EPHA6: variants seen among roughly 807,000 people sequenced by gnomAD.
The protein encoded by EPHA6 is ephrin type-A receptor 6.
A neutral mutation model predicts 112.0 loss-of-function variants in EPHA6; 50 were observed. The ratio of observed to expected loss-of-function variants is 0.45; its 90% CI spans 0.36 to 0.56. The LOEUF (loss-of-function observed/expected upper bound fraction) is 0.56. Ranked by LOEUF, EPHA6 falls within the 20% of genes least tolerant of loss-of-function variation. The probability of loss-of-function intolerance (pLI) is 0.00; values close to 1 mark genes in which losing one functional copy is unlikely to be tolerated. For missense variants in EPHA6, 1,280 were observed against 1,417.4 expected, an observed-to-expected ratio of 0.90 and a Z score of 1.56; for synonymous variants, 529 against 490.7, an observed-to-expected ratio of 1.08 and a Z score of -1.03.
chr3:97,743,241 T>C (rs183105488), intron 16 of EPHA6, among the ~76,000 whole-genome samples: 6 of 152,260 alleles, frequency 3.9e-5, no homozygotes, highest in East Asian at 1.9e-4. Flanking sequence ...CATCATGTTA[T>C]GGACCAAACT....
At chr3:97,305,148 C>T (rs1027299839) in intron 5 of EPHA6, among the ~76,000 whole-genome samples, 2 of 152,012 alleles carry the variant, frequency 1.3e-5, no homozygotes, top group Non-Finnish European at 2.9e-5. Context: ...CATCACTGAT[C>T]ATTACAGAAA....
chr3:97,652,866 T>C (rs1233712054), intron 14 of EPHA6, among the ~76,000 whole-genome samples: 2 of 152,000 alleles, frequency 1.3e-5, no homozygotes, highest in Admixed American at 1.3e-4. Context: ...GAGTGTTGGG[T>C]ATTATGACTC....
At chr3:96,859,516 G>A (rs912716101) in intron 1 of EPHA6, among the ~76,000 whole-genome samples, 1 of 151,164 alleles carries the variant, frequency 6.6e-6, no homozygotes, top group African/African-American at 2.4e-5. Flanking sequence ...TGAGTAACTG[G>A]GATTACAGGC....
At chr3:97,549,634 A>G (rs945032594) in intron 11 of EPHA6, among the ~76,000 whole-genome samples, 61 of 152,048 alleles carry the variant, frequency 4.0e-4, no homozygotes, top group African/African-American at 1.4e-3. Flanking sequence ...CAAAGCAAAA[A>G]GTTTGTTTAC....
intron 3 of EPHA6, among the ~76,000 whole-genome samples, chr3:97,193,624 T>C (rs1208286466): frequency 6.6e-6 from 1 of 152,012 alleles, no homozygotes; most frequent in Admixed American, 6.6e-5. Flanking sequence ...GGTTGTCCTT[T>C]ATATCTTTCT....
Position 97,532,284 on chromosome 3 carries a change from T to A in EPHA6, c.2201-74T>A, listed in dbSNP as rs766004447. ...TCATTATGTGAAAAAAGTATGTCAC[T>A]GTATGACAGTTTGACTCTTCTGAAA... On this transcript the variant is annotated intron_variant, in intron 10 of 17. Coordinates refer to ENST00000389672, the MANE Select transcript of EPHA6 (RefSeq NM_001080448.3). 156 of 1,319,072 alleles carry A rather than the reference T, an allele frequency of 1.2e-4. 1 individual carries two copies. The highest frequency in any genetic ancestry group is 3.9e-4 in the Middle Eastern group (2 of 5,174). The allele number at this position is 1,319,072 out of a possible 1,614,324, so 81.7% of individuals were successfully genotyped here.
rs189907280 is a variant in EPHA6 at position 97,168,372 on chromosome 3, G to T, written c.1115-57892G>T. On this transcript the variant is annotated intron_variant, in intron 3 of 17. Coordinates refer to ENST00000389672, the MANE Select transcript of EPHA6 (RefSeq NM_001080448.3). ...TTTTGGAGGTGGGGCCTGGTGGGAG[G>T]TGATTAGATCGTGGGGGTGGTTTCT... Among the ~76,000 whole-genome samples, 432 of 152,214 alleles carry T rather than the reference G, an allele frequency of 2.8e-3. 2 individuals carry two copies. Among genetic ancestry groups the T allele is most frequent in the African/African-American group, 9.6e-3 (400 of 41,546 alleles).
intron 2 of EPHA6, among the ~76,000 whole-genome samples, chr3:96,896,601 C>T (rs1284208016): frequency 6.6e-6 from 1 of 152,142 alleles, no homozygotes; most frequent in Non-Finnish European, 1.5e-5. Flanking sequence ...CATCACGTTG[C>T]ATTGGTGTTA....
chr3:96,819,742 G>A (rs2033103751), intron 1 of EPHA6, among the ~76,000 whole-genome samples: 1 of 152,058 alleles, frequency 6.6e-6, no homozygotes, highest in African/African-American at 2.4e-5. Context: ...AATTTAATCA[G>A]ACTGACATTT....
chr3:97,668,944 A>AAAAAAC (rs2030474528), intron 14 of EPHA6, among the ~76,000 whole-genome samples: 3 of 147,244 alleles, frequency 2.0e-5, no homozygotes, highest in Non-Finnish European at 4.5e-5. Flanking sequence ...AAAAAAAAAA[A>AAAAAAC]TCCACTAAGT....
intron 14 of EPHA6, among the ~76,000 whole-genome samples, chr3:97,639,020 A>G (rs930104281): frequency 6.6e-6 from 1 of 152,128 alleles, no homozygotes; most frequent in Non-Finnish European, 1.5e-5. Context: ...ACTCCAGAAT[A>G]AAATGCAAGT....
chr3:97,007,389 G>A (rs1359276670), intron 3 of EPHA6, among the ~76,000 whole-genome samples: 2 of 149,176 alleles, frequency 1.3e-5, no homozygotes, highest in African/African-American at 4.9e-5. Flanking sequence ...ATCTCTGTTG[G>A]TTTAAAGTCT....
At chr3:97,334,591 C>G (rs1194632980) in intron 5 of EPHA6, among the ~76,000 whole-genome samples, 2 of 150,592 alleles carry the variant, frequency 1.3e-5, no homozygotes, top group African/African-American at 4.9e-5. Flanking sequence ...GCAGTTCTCT[C>G]ACTTCAGCCT....
intron 3 of EPHA6, among the ~76,000 whole-genome samples, chr3:97,075,495 A>G (rs927569793): frequency 6.6e-6 from 1 of 152,040 alleles, no homozygotes; most frequent in Non-Finnish European, 1.5e-5. Context: ...ACTGTAACTT[A>G]AATTTTTCTA....
At chr3:97,731,173 C>G (rs2035017349) in intron 15 of EPHA6, among the ~76,000 whole-genome samples, 1 of 151,978 alleles carries the variant, frequency 6.6e-6, no homozygotes, top group African/African-American at 2.4e-5. Flanking sequence ...GCAGTAGAAT[C>G]AGCATGATGA....
At chr3:96,939,935 A>G (rs901124944) in intron 2 of EPHA6, among the ~76,000 whole-genome samples, 29 of 152,214 alleles carry the variant, frequency 1.9e-4, no homozygotes, top group Non-Finnish European at 2.6e-4. Flanking sequence ...CTTAATCCTG[A>G]GTTCTAGTTT....
chr3:97,329,436 G>C (rs539278136), intron 5 of EPHA6, among the ~76,000 whole-genome samples: 3,345 of 149,556 alleles, frequency 0.022, 133 homozygotes, highest in African/African-American at 0.074. Flanking sequence ...CCCACCAACA[G>C]TGTAAAAGTG....
intron 14 of EPHA6, among the ~76,000 whole-genome samples, chr3:97,690,704 G>A (rs2032604987): frequency 6.6e-6 from 1 of 152,100 alleles, no homozygotes; most frequent in Non-Finnish European, 1.5e-5. Flanking sequence ...CTGACCTCAG[G>A]TGATCCACCC....
chr3:97,119,190 G>A (rs1236930738), intron 3 of EPHA6, among the ~76,000 whole-genome samples: 3 of 151,920 alleles, frequency 2.0e-5, no homozygotes, highest in Non-Finnish European at 2.9e-5. Context: ...CTGAAACAAA[G>A]CAGGACAGGA....
Sources: allele counts gnomAD v4.1 joint callset (sites outside exome capture counted in the v4.1 genomes callset), GRCh38; gene constraint gnomAD v4.1.1; transcripts MANE v1.5; gene names NCBI Gene and HGNC (gene_info 2026-07-23, HGNC 2026-07-21).